Variants in CSRP3 observed in about 807,000 individuals in gnomAD.
CSRP3 encodes the protein cysteine and glycine-rich protein 3.
In CSRP3, 24 loss-of-function variants were observed where a neutral mutation model predicts 24.3. That is an observed-to-expected ratio of 0.99 (90% CI 0.71 to 1.39). CSRP3 has a LOEUF of 1.39. CSRP3 is among the 40% of genes most tolerant of loss of function. The pLI is 0.00. For synonymous variants in CSRP3, 105 were observed against 94.0 expected (o/e 1.12, Z -0.68); for missense variants, 240 against 249.0 (o/e 0.96, Z 0.24).
chr11:19,190,745 A>G (rs1365109), intron 2 of CSRP3, among the ~76,000 whole-genome samples: 151,615 of 152,300 alleles, frequency 1, 75,472 homozygotes, highest in Middle Eastern at 1. Flanking sequence ...GCCTGCGGAC[A>G]GACAGGTGAT....
At chr11:19,197,068 G>A (rs1315276509) in intron 1 of CSRP3, 1 of 152,132 alleles carries the variant, frequency 6.6e-6, no homozygotes, top group South Asian at 2.1e-4. Flanking sequence ...TTGCCTCTTC[G>A]AAGCTGTGTG....
At chr11:19,200,100 C>T (rs368625156) in intron 1 of CSRP3, among the ~76,000 whole-genome samples, 391 of 152,290 alleles carry the variant, frequency 2.6e-3, no homozygotes, top group African/African-American at 8.9e-3. Flanking sequence ...GGAAACCCCC[C>T]CAAAACCCAC....
At chr11:19,190,238 C>A (rs1056054732) in intron 2 of CSRP3, among the ~76,000 whole-genome samples, 17 of 152,224 alleles carry the variant, frequency 1.1e-4, no homozygotes, top group Non-Finnish European at 2.2e-4. Flanking sequence ...CTGCCTATAC[C>A]CTAAGGTGCC....
At chr11:19,188,353 C>T in intron 2 of CSRP3, 49 bp from the exon 3 acceptor site, 1 of 1,601,226 alleles carries the variant, frequency 6.2e-7, no homozygotes, top group Middle Eastern at 2.3e-4. Flanking sequence ...ATCCTTCTCC[C>T]CTTCTTTGCA....
chr11:19,201,241 A>T (rs1460652779), intron 1 of CSRP3, among the ~76,000 whole-genome samples: 1 of 152,256 alleles, frequency 6.6e-6, no homozygotes, highest in Non-Finnish European at 1.5e-5. Context: ...ATATATTTCA[A>T]CATAGCAATG....
At chr11:19,195,310 C>G (rs1489436506) in intron 1 of CSRP3, among the ~76,000 whole-genome samples, 1 of 152,028 alleles carries the variant, frequency 6.6e-6, no homozygotes, top group Non-Finnish European at 1.5e-5. Flanking sequence ...TTTAAGATTG[C>G]TGGACCCTCT....
At chr11:19,200,496 C>A (rs902675479) in intron 1 of CSRP3, among the ~76,000 whole-genome samples, 3 of 152,098 alleles carry the variant, frequency 2.0e-5, no homozygotes, top group Non-Finnish European at 4.4e-5. Flanking sequence ...TTCTCTCTTT[C>A]CTTCCCCCCT....
Position 19,188,144 on chromosome 11 carries a change from C to T in CSRP3, c.273G>A (p.Gln91=). The change falls in exon 3 of 6, where the codon CAG becomes CAA. Residue 91 remains glutamine, a synonymous_variant. Coordinates refer to ENST00000265968, the MANE Select transcript of CSRP3 (RefSeq NM_003476.5). The stretch of plus-strand genomic sequence containing the variant: ...GCAGGGCAGTAACTCACTGTTGGAA[C>T]TGCAGGCCGAGATGCTCGCCCGTGT... ...STDTGEHLGL[Q]FQQSPKPARS... 3 of 1,614,210 alleles carry T rather than the reference C, an allele frequency of 1.9e-6. No individual in the cohort carries two copies. The highest frequency in any genetic ancestry group is 2.5e-6 in the Non-Finnish European group (3 of 1,180,040).
At chr11:19,192,685 G>A (rs1000848731) in intron 1 of CSRP3, among the ~76,000 whole-genome samples, 1 of 152,142 alleles carries the variant, frequency 6.6e-6, no homozygotes, top group Admixed American at 6.5e-5. Context: ...TACCACTTGG[G>A]AACTCAGTTT....
intron 1 of CSRP3, among the ~76,000 whole-genome samples, chr11:19,199,948 C>T (rs1850808037): frequency 6.6e-6 from 1 of 152,238 alleles, no homozygotes; most frequent in African/African-American, 2.4e-5. Flanking sequence ...ATCTGTCTGC[C>T]TCAAGACTTG....
rs1476734041 is a variant in CSRP3 at position 19,197,523 on chromosome 11, CT to C, written c.-29+4430del. 1.5e-3 allele frequency among the ~76,000 whole-genome samples: 182 copies of C among 123,840 alleles called. 3 individuals carry two copies. In the East Asian group the frequency reaches 0.015, roughly 10 times the overall value. The allele number at this position is 123,840 out of a possible 152,430, so 81.2% of individuals were successfully genotyped here. A position where few individuals can be genotyped will look rare whatever the true frequency, so the allele number is the denominator to read the frequency against. On this transcript the variant is annotated intron_variant, in intron 1 of 5. Coordinates refer to ENST00000265968, the MANE Select transcript of CSRP3 (RefSeq NM_003476.5). ...TTCCTCTTTCTTTCTTTCTTTCTTT[CT>C]TTCTTTCTTTCTTTCTTTCTTTCTT...
rs1554968723 is a variant in CSRP3 at position 19,197,563 on chromosome 11, C to CTTTCT, written c.-29+4386_-29+4390dup. Among the ~76,000 whole-genome samples, 3 of 124,800 alleles carry CTTTCT rather than the reference C, an allele frequency of 2.4e-5. No individual in the cohort carries two copies. The Admixed American group carries it at 2.5e-4, about 10-fold the overall frequency. 81.9% of individuals were successfully genotyped at this position (124,800 alleles called of 152,430 possible). ...TCTTTCTTTCTTTCTTTCTTTCTTT[C>CTTTCT]TTTCTTTCTTTCTTCTTTCACTACC... On this transcript the variant is annotated intron_variant, in intron 1 of 5. Transcript: ENST00000265968.
chr11:19,188,425 A>T, intron 2 of CSRP3, 121 bp from the exon 3 acceptor site: 1 of 940,338 alleles, frequency 1.1e-6, no homozygotes, highest in Non-Finnish European at 1.7e-6. Flanking sequence ...CAAGAATACA[A>T]TGTTGATTCC....
intron 2 of CSRP3, among the ~76,000 whole-genome samples, chr11:19,189,778 A>G (rs1427422179): frequency 6.6e-6 from 1 of 152,240 alleles, no homozygotes; most frequent in Non-Finnish European, 1.5e-5. Flanking sequence ...AAAAGTTTAA[A>G]TCAGTAAATA....
chr11:19,192,211 A>G lies in CSRP3; in HGVS notation c.112+126T>C, dbSNP rs7933605. The G allele has an allele frequency of 0.13, 93,284 of 733,688 alleles. 6,614 individuals carry two copies. The highest frequency in any genetic ancestry group is 0.18 in the African/African-American group (10,581 of 57,844). 45.4% of individuals were successfully genotyped at this position (733,688 alleles called of 1,614,324 possible). On this transcript the variant is annotated intron_variant, in intron 2 of 5. Coordinates refer to ENST00000265968, the MANE Select transcript of CSRP3 (RefSeq NM_003476.5). Reference sequence around the variant, plus strand: ...TAAATTTCTAACCAGTTCCCAGGTAATGCTGATGCTGCTTGTCCCAGGACC... The same window carrying G: ...TAAATTTCTAACCAGTTCCCAGGTAGTGCTGATGCTGCTTGTCCCAGGACC...
chr11:19,199,206 A>G (rs1461973447), intron 1 of CSRP3, among the ~76,000 whole-genome samples: 1 of 149,654 alleles, frequency 6.7e-6, no homozygotes, highest in African/African-American at 2.5e-5. Flanking sequence ...TAGTCTGGGG[A>G]GCTCATGCCC....
chr11:19,186,409 G>T, intron 3 of CSRP3, 61 bp from the exon 4 acceptor site: 1 of 1,607,864 alleles, frequency 6.2e-7, no homozygotes, highest in Non-Finnish European at 8.5e-7. Context: ...TAGAAGAGCT[G>T]TGTGGCCTTG....
At chr11:19,198,150 A>G (rs1850773130) in intron 1 of CSRP3, among the ~76,000 whole-genome samples, 1 of 152,208 alleles carries the variant, frequency 6.6e-6, no homozygotes, top group Non-Finnish European at 1.5e-5. Context: ...TGCCCAGAGC[A>G]AATTTTATTT....
Position 19,186,275 on chromosome 11 carries a change from T to C in CSRP3, c.355A>G (p.Lys119Glu). 6.2e-7 allele frequency: 1 copy of C among 1,614,200 alleles called. No individual in the cohort carries two copies. The highest frequency in any genetic ancestry group is 2.2e-5 in the East Asian group (1 of 44,880). The change falls in exon 4 of 6, where the codon AAG becomes GAG. Residue 119 changes from lysine to glutamate, a missense_variant. Physicochemically the swap from Lys to Glu is moderately conservative, Grantham distance 56. Coordinates refer to ENST00000265968, the MANE Select transcript of CSRP3 (RefSeq NM_003476.5). ...KFTAKFGESE[K>E]CPRCGKSVYA... ...ACTGACTTGCCACATCGAGGGCACT[T>C]CTCGGACTCTCCAAACTTCGCAGTG...
Sources: allele counts gnomAD v4.1 joint callset (sites outside exome capture counted in the v4.1 genomes callset), GRCh38; gene constraint gnomAD v4.1.1; transcripts MANE v1.5; gene names NCBI Gene and HGNC (gene_info 2026-07-23, HGNC 2026-07-21).